Variants in SYNE2 observed in about 807,000 individuals in gnomAD.
SYNE2 encodes spectrin repeat containing nuclear envelope protein 2.
A neutral mutation model predicts 856.3 loss-of-function variants in SYNE2; 431 were observed. The ratio of observed to expected loss-of-function variants is 0.50; its 90% CI spans 0.47 to 0.55. The LOEUF is 0.55. SYNE2 is among the 20% of genes least tolerant of loss of function. SYNE2 has a pLI of 0.00. For missense variants in SYNE2, 8,129 were observed against 8,023.2 expected, an observed-to-expected ratio of 1.01 and a Z score of -0.50; for synonymous variants, 2,923 against 2,872.3, an observed-to-expected ratio of 1.02 and a Z score of -0.56.
chr14:64,188,408 G>A (rs2098502236), intron 97 of SYNE2, 142 bp from the exon 98 acceptor site: 11 of 846,940 alleles, frequency 1.3e-5, no homozygotes, highest in Admixed American at 2.0e-5. Flanking sequence ...CTAAACCCTA[G>A]GTTTAGAAGA....
At chr14:64,106,537 T>C (rs2097772920) in intron 64 of SYNE2, among the ~76,000 whole-genome samples, 1 of 152,214 alleles carries the variant, frequency 6.6e-6, no homozygotes, top group Non-Finnish European at 1.5e-5. Flanking sequence ...TAGTCCCAGC[T>C]ACTCGGGAGG....
In SYNE2 at chr14:63,883,862, ATTTTTT is replaced by A. The variant is rs34392423; in HGVS notation, c.-51-25222_-51-25217del. Among the ~76,000 whole-genome samples the A allele has an allele frequency of 3.1e-5, 4 of 130,514 alleles. 1 individual carries two copies. Among genetic ancestry groups the A allele is most frequent in the Non-Finnish European group, 4.8e-5 (3 of 62,854 alleles). The allele number at this position is 130,514 out of a possible 152,430, so 85.6% of individuals were successfully genotyped here. On this transcript the variant is annotated intron_variant, in intron 1 of 115. Transcript: ENST00000555002. The stretch of plus-strand genomic sequence containing the variant: ...TTGCTTATAATACAGAAGCTGGTGA[ATTTTTT>A]TTTTTTTTTTTTTGCATGGGTGTGA...
chr14:64,141,381 C>T lies in SYNE2; in HGVS notation c.15017C>T (p.Thr5006Ile), dbSNP rs1334553031. Residue 5006 changes from threonine (T) to isoleucine (I), a missense_variant, in exon 81 of 116, where the codon ACT becomes ATT. By Grantham distance (89) the Thr-to-Ile change is moderately conservative (BLOSUM62 -1). This residue lies in a region of SYNE2 where 5,410 missense variants were observed against 5,284.8 expected (regional missense o/e 1.02). Transcript: ENST00000555002. ...KEVDEKSSLKTAVISIGNQLL... is the reference protein window; with the variant it reads ...KEVDEKSSLKIAVISIGNQLL... ...GTTGATGAAAAATCCTCCTTGAAGA[C>T]TGCCGTTATCAGTATCGGGAACCAG... is the stretch of plus-strand genomic sequence containing the variant. 1 of 1,614,010 alleles carries T rather than the reference C, an allele frequency of 6.2e-7. No homozygotes were observed. Among genetic ancestry groups the T allele is most frequent in the Non-Finnish European group, 8.5e-7 (1 of 1,179,960 alleles).
In SYNE2 at chr14:64,026,692, G is replaced by A. The variant is rs114297937; in HGVS notation, c.6366G>A (p.Gln2122=). 7.1e-5 allele frequency: 114 copies of A among 1,612,224 alleles called. No individual in the cohort carries two copies. In the African/African-American group the frequency reaches 1.3e-3, roughly 19 times the overall value. Residue 2122 remains glutamine, a synonymous_variant, in exon 42 of 116, where the codon CAG becomes CAA. Coordinates refer to ENST00000555002, the MANE Select transcript of SYNE2 (RefSeq NM_182914.3). ...AGACCCTCACTGACATCAGCAACCA[G>A]TGGGACAACACACTCCATTTAGCTA... ...VQKTLTDISN[Q]WDNTLHLAST...
chr14:63,843,598 G>A (rs1472148013), intron 1 of SYNE2, among the ~76,000 whole-genome samples: 1 of 152,142 alleles, frequency 6.6e-6, no homozygotes, highest in Admixed American at 6.6e-5. Context: ...TAATGACTAA[G>A]TGATTAAGGT....
intron 42 of SYNE2, among the ~76,000 whole-genome samples, chr14:64,027,097 C>G (rs2096986568): frequency 8.5e-6 from 1 of 117,768 alleles, no homozygotes; most frequent in Admixed American, 9.9e-5. Flanking sequence ...AAGAGCCAAT[C>G]AGATCTTAAT....
At chr14:63,803,793 G>T (rs1273183129) in intron 1 of SYNE2, among the ~76,000 whole-genome samples, 1 of 152,222 alleles carries the variant, frequency 6.6e-6, no homozygotes, top group Non-Finnish European at 1.5e-5. Flanking sequence ...AGCGAGCGAG[G>T]ACTGTGAGGA....
chr14:63,815,036 A>C (rs1366133063), intron 1 of SYNE2, among the ~76,000 whole-genome samples: 3 of 114,888 alleles, frequency 2.6e-5, no homozygotes, highest in Admixed American at 1.0e-4. Context: ...ATCCATATAT[A>C]CATCCACATA....
chr14:64,087,620 T>A, intron 57 of SYNE2, 51 bp from the exon 58 acceptor site: 1 of 1,563,002 alleles, frequency 6.4e-7, no homozygotes. Flanking sequence ...AATCAGCTTA[T>A]ATCAGGATCT....
chr14:64,025,854 G>A (rs530940145), intron 41 of SYNE2, among the ~76,000 whole-genome samples: 5 of 152,262 alleles, frequency 3.3e-5, no homozygotes, highest in South Asian at 2.1e-4. Flanking sequence ...GGAAAGCAAG[G>A]AAGTCTCAAG....
At chr14:64,010,358 C>T (rs1214937259) in intron 32 of SYNE2, among the ~76,000 whole-genome samples, 4 of 152,146 alleles carry the variant, frequency 2.6e-5, no homozygotes, top group Non-Finnish European at 5.9e-5. Flanking sequence ...TGTGTTTCTG[C>T]TCACCCCTGC....
intron 94 of SYNE2, among the ~76,000 whole-genome samples, chr14:64,170,858 G>A (rs1395079217): frequency 6.6e-6 from 1 of 151,800 alleles, no homozygotes; most frequent in Non-Finnish European, 1.5e-5. Flanking sequence ...AATTCAATGG[G>A]TACAAAAAAA....
intron 8 of SYNE2, among the ~76,000 whole-genome samples, chr14:63,957,874 G>T (rs1043882623): frequency 1.3e-5 from 2 of 151,952 alleles, no homozygotes; most frequent in Non-Finnish European, 2.9e-5. Flanking sequence ...GCTCAGACTT[G>T]GGAGAGTTAT....
At chr14:64,182,359 T>A (rs893808635) in intron 96 of SYNE2, among the ~76,000 whole-genome samples, 8 of 64,942 alleles carry the variant, frequency 1.2e-4, no homozygotes, top group Admixed American at 2.6e-4. Context: ...CAATTTAATT[T>A]ATTTATTTAT....
In SYNE2 at chr14:64,065,601, A is replaced by G. The variant is rs1188720998; in HGVS notation, c.10382A>G (p.Glu3461Gly). 1 of 1,614,130 alleles carries G rather than the reference A, an allele frequency of 6.2e-7. No homozygotes were observed. Among genetic ancestry groups the G allele is most frequent in the Non-Finnish European group, 8.5e-7 (1 of 1,180,026 alleles). Residue 3461 changes from glutamate to glycine, a missense_variant, in exon 51 of 116, where the codon GAG becomes GGG. Physicochemically the swap from Glu to Gly is moderately conservative, Grantham distance 98. Around this residue, in one of 3 missense-constraint regions of SYNE2, gnomAD observed 5,410 missense variants for 5,284.8 expected, o/e 1.02. Coordinates refer to ENST00000555002, the MANE Select transcript of SYNE2 (RefSeq NM_182914.3). ...LSLLEAAKEW[E>G]MWCEELKQEW... ...TTGCTGGAAGCTGCTAAAGAGTGGG[A>G]GATGTGGTGCGAAGAACTGAAGCAG... is the stretch of plus-strand genomic sequence containing the variant.
Position 63,967,752 on chromosome 14 carries a change from C to A in SYNE2, c.1034C>A (p.Ser345Tyr). ...FMESFNEEKK[S>Y]FLDVLSIKRD... ...GAGTCATTCAATGAAGAAAAAAAGT[C>A]CTTTTTGGATGTCCTGTCAATAAAA... is the stretch of plus-strand genomic sequence containing the variant. Residue 345 changes from serine (S) to tyrosine (Y), a missense_variant, in exon 11 of 116, where the codon TCC becomes TAC. Coordinates refer to ENST00000555002, the MANE Select transcript of SYNE2 (RefSeq NM_182914.3). 1 of 1,614,046 alleles carries A rather than the reference C, an allele frequency of 6.2e-7. No individual in the cohort carries two copies. The highest frequency in any genetic ancestry group is 8.5e-7 in the Non-Finnish European group (1 of 1,179,940).
chr14:63,779,872 T>C (rs1887246769), intron 1 of SYNE2, among the ~76,000 whole-genome samples: 1 of 151,902 alleles, frequency 6.6e-6, no homozygotes. Flanking sequence ...GGGGCGGAGA[T>C]GGGCAGAGTT....
Position 64,031,357 on chromosome 14 carries a change from G to A in SYNE2, c.7221G>A (p.Lys2407=). 1 of 1,613,592 alleles carries A rather than the reference G, an allele frequency of 6.2e-7. No individual in the cohort carries two copies. The change falls in exon 45 of 116, where the codon AAG becomes AAA. Residue 2407 remains lysine (K), a splice_region_variant and synonymous_variant. Coordinates refer to ENST00000555002, the MANE Select transcript of SYNE2 (RefSeq NM_182914.3). ...EKLEEDWEIN[K]DSAVEMAMSK... ...TGGAGGAAGACTGGGAAATAAACAA[G>A]GTAAGTGCTTGTGATTGCACTTTCA...
intron 2 of SYNE2, among the ~76,000 whole-genome samples, chr14:63,926,034 T>C (rs1416446867): frequency 6.6e-6 from 1 of 151,972 alleles, no homozygotes; most frequent in Non-Finnish European, 1.5e-5. Flanking sequence ...TGTGGAGACC[T>C]GGTTTCACCA....
Sources: allele counts gnomAD v4.1 joint callset (sites outside exome capture counted in the v4.1 genomes callset), GRCh38; gene constraint gnomAD v4.1.1; regional missense constraint gnomAD v4.1.1; transcripts MANE v1.5; gene names NCBI Gene and HGNC (gene_info 2026-07-23, HGNC 2026-07-21).